RBFOX1: variants seen among roughly 807,000 people sequenced by gnomAD.
The protein encoded by RBFOX1 is RNA binding fox-1 homolog 1.
RBFOX1 carries 8 observed loss-of-function variants against 57.7 expected under a neutral mutation model. That is an observed-to-expected ratio of 0.14 (90% CI 0.08 to 0.25). RBFOX1 has a LOEUF of 0.25. Ranked by LOEUF, RBFOX1 falls within the 10% of genes least tolerant of loss-of-function variation. RBFOX1 has a pLI of 1.00. For synonymous variants in RBFOX1, 326 were observed against 222.4 expected (o/e 1.47, Z -4.15); for missense variants, 611 against 548.5 (o/e 1.11, Z -1.14).
chr16:6,917,340 A>T (rs1344609332), intron 3 of RBFOX1, among the ~76,000 whole-genome samples: 2 of 152,220 alleles, frequency 1.3e-5, no homozygotes, highest in Non-Finnish European at 2.9e-5. Context: ...CCATCTGGTG[A>T]AATCAGTATA....
chr16:7,439,161 G>A lies in RBFOX1; in HGVS notation c.28-78986G>A, dbSNP rs574305281. 1.6e-4 allele frequency among the ~76,000 whole-genome samples: 25 copies of A among 152,228 alleles called. No individual in the cohort carries two copies. In the South Asian group the frequency reaches 4.8e-3, roughly 29 times the overall value. On this transcript the variant is annotated intron_variant, in intron 4 of 15. Transcript: ENST00000550418. ...CTTCTGCTTAAGTCTTCTTTACGCA[G>A]GCCTTCGCGCTGTGTCGTCTTCACC...
chr16:5,763,307 C>T (rs543974351), intron 3 of RBFOX1, among the ~76,000 whole-genome samples: 1 of 152,342 alleles, frequency 6.6e-6, no homozygotes, highest in South Asian at 2.1e-4. Flanking sequence ...GAAACACACA[C>T]AAGAGCGCTC....
chr16:7,511,755 G>A (rs1600489029), intron 4 of RBFOX1, among the ~76,000 whole-genome samples: 1 of 152,076 alleles, frequency 6.6e-6, no homozygotes, highest in African/African-American at 2.4e-5. Context: ...TCGTTGAGTT[G>A]CTCTCGTTGA....
At chr16:7,535,262 C>G (rs1038933237) in intron 5 of RBFOX1, among the ~76,000 whole-genome samples, 10 of 152,152 alleles carry the variant, frequency 6.6e-5, no homozygotes, top group Non-Finnish European at 1.3e-4. Flanking sequence ...TGGGCCAGCT[C>G]AGGGCTGCTG....
chr16:6,960,103 A>G (rs959300317), intron 3 of RBFOX1, among the ~76,000 whole-genome samples: 2 of 152,114 alleles, frequency 1.3e-5, no homozygotes, highest in Admixed American at 6.5e-5. Flanking sequence ...AAACAAGTGT[A>G]TTGGGGGTCT....
rs557676914 is a variant in RBFOX1 at position 7,415,848 on chromosome 16, C to T, written c.28-102299C>T. Among the ~76,000 whole-genome samples, 8 of 152,280 alleles carry T rather than the reference C, an allele frequency of 5.3e-5. No homozygotes were observed. In the East Asian group the frequency reaches 1.5e-3, roughly 29 times the overall value. On this transcript the variant is annotated intron_variant, in intron 4 of 15. Coordinates refer to ENST00000550418, the MANE Select transcript of RBFOX1 (RefSeq NM_018723.4). ...TATTTGACTCTAAACTTAGCATCCT[C>T]TCCCGGGAAGATGGAACTGTCCTTT...
At chr16:5,327,853 T>C (rs2064628695) in intron 1 of RBFOX1, among the ~76,000 whole-genome samples, 1 of 152,198 alleles carries the variant, frequency 6.6e-6, no homozygotes, top group African/African-American at 2.4e-5. Context: ...AAACATCTCT[T>C]TGTAAGCTGA....
chr16:7,514,856 A>T (rs1347672828), intron 4 of RBFOX1, among the ~76,000 whole-genome samples: 1 of 152,200 alleles, frequency 6.6e-6, no homozygotes, highest in African/African-American at 2.4e-5. Flanking sequence ...ACTTTTCCTG[A>T]GCTTGCTCTG....
At position 5,273,572 on chromosome 16, in the gene RBFOX1, G is replaced by A. The variant is rs150014079; in HGVS notation, c.219+33467G>A. Among the ~76,000 whole-genome samples the A allele has an allele frequency of 2.0e-3, 308 of 152,278 alleles. 2 individuals carry two copies. In the Middle Eastern group the frequency reaches 0.02, roughly 10 times the overall value. On this transcript the variant is annotated intron_variant, in intron 1 of 2. Transcript: ENST00000585867. ...GACAATCCCCAAGGTTTGGAACGAC[G>A]GGAAGGAGCTGCCATCTGTGTTTAA... is the stretch of plus-strand genomic sequence containing the variant.
intron 4 of RBFOX1, among the ~76,000 whole-genome samples, chr16:7,233,898 G>C (rs953425006): frequency 2.0e-5 from 3 of 152,182 alleles, no homozygotes; most frequent in Non-Finnish European, 4.4e-5. Flanking sequence ...CACTCAACGA[G>C]AGCTACTCTG....
chr16:5,264,772 C>T (rs1264759232), intron 1 of RBFOX1, among the ~76,000 whole-genome samples: 1 of 152,126 alleles, frequency 6.6e-6, no homozygotes, highest in African/African-American at 2.4e-5. Flanking sequence ...TAGTACAGGG[C>T]TCTCTAGCAT....
intron 1 of RBFOX1, among the ~76,000 whole-genome samples, chr16:5,385,205 A>G (rs900914031): frequency 1.3e-5 from 2 of 152,194 alleles, no homozygotes; most frequent in African/African-American, 4.8e-5. Context: ...CTGCAGGGTT[A>G]CACACTGGAA....
At chr16:6,348,002 G>C (rs1035883511) in intron 2 of RBFOX1, among the ~76,000 whole-genome samples, 14 of 152,218 alleles carry the variant, frequency 9.2e-5, no homozygotes, top group African/African-American at 3.1e-4. Context: ...AGGCGTGAAA[G>C]TGGGTGGTGG....
chr16:6,249,678 A>C (rs1331525717), intron 1 of RBFOX1, among the ~76,000 whole-genome samples: 1 of 152,122 alleles, frequency 6.6e-6, no homozygotes, highest in Admixed American at 6.5e-5. Flanking sequence ...TAGCCAGGGC[A>C]TCCATGCCAA....
chr16:7,305,298 C>G lies in RBFOX1; in HGVS notation c.28-212849C>G, dbSNP rs536881023. On this transcript the variant is annotated intron_variant, in intron 4 of 15. Transcript: ENST00000550418. ...GACCCTCTCTGCTCTGTCATTCTTT[C>G]TTTATTGGAAGGGTTGCTTCCTGAG... Among the ~76,000 whole-genome samples, 551 of 152,134 alleles carry G rather than the reference C, an allele frequency of 3.6e-3. 5 individuals are homozygous for G. The highest frequency in any genetic ancestry group is 0.013 in the African/African-American group (524 of 41,506).
At chr16:6,884,896 T>TCAAA (rs953530257) in intron 3 of RBFOX1, among the ~76,000 whole-genome samples, 2 of 152,148 alleles carry the variant, frequency 1.3e-5, no homozygotes, top group African/African-American at 2.4e-5. Flanking sequence ...AGGCTCTCTT[T>TCAAA]CAAACAAACA....
At chr16:7,178,729 C>T (rs895792502) in intron 4 of RBFOX1, among the ~76,000 whole-genome samples, 5 of 152,134 alleles carry the variant, frequency 3.3e-5, no homozygotes, top group African/African-American at 1.2e-4. Flanking sequence ...ACATGCCGGA[C>T]CTCAGATGTA....
intron 3 of RBFOX1, among the ~76,000 whole-genome samples, chr16:5,847,195 CAGGT>C (rs1567618824): frequency 6.6e-6 from 1 of 152,096 alleles, no homozygotes; most frequent in African/African-American, 2.4e-5. Context: ...ACATGACTCT[CAGGT>C]AGGAAACACA....
At chr16:5,566,491 T>C (rs2046073185) in intron 2 of RBFOX1, among the ~76,000 whole-genome samples, 1 of 152,088 alleles carries the variant, frequency 6.6e-6, no homozygotes, top group Admixed American at 6.5e-5. Flanking sequence ...TGTTATATTT[T>C]GTCTTTGGTC....
Sources: gnomAD v4.1 joint callset for allele counts (sites outside exome capture counted in the v4.1 genomes callset) on GRCh38, gnomAD v4.1.1 for gene constraint, MANE v1.5 for transcripts, NCBI Gene and HGNC (gene_info 2026-07-23, HGNC 2026-07-21) for gene names.